Variants in DMC1 observed in about 807,000 individuals in gnomAD.
DMC1 encodes the protein meiotic recombination protein DMC1 homolog.
In DMC1, 27 loss-of-function variants were observed where a neutral mutation model predicts 50.1. The observed-to-expected ratio is 0.54, with a 90% CI of 0.40 to 0.74. The LOEUF (loss-of-function observed/expected upper bound fraction) is 0.74, where lower values mean the gene tolerates loss of function less well. DMC1 is among the 30% of genes least tolerant of loss of function. The probability of loss-of-function intolerance (pLI) is 0.00; values close to 1 mark genes in which losing one functional copy is unlikely to be tolerated. For synonymous variants in DMC1, 148 were observed against 136.1 expected, an observed-to-expected ratio of 1.09 and a Z score of -0.61; for missense variants, 295 against 420.2, an observed-to-expected ratio of 0.70 and a Z score of 2.60.
At chr22:38,555,775 T>G (rs910285614) in intron 5 of DMC1, among the ~76,000 whole-genome samples, 2 of 151,906 alleles carry the variant, frequency 1.3e-5, no homozygotes, top group Non-Finnish European at 2.9e-5. Flanking sequence ...CAAGGCCTTA[T>G]GTCTTACTAG....
intron 6 of DMC1, among the ~76,000 whole-genome samples, chr22:38,554,917 A>T (rs1225033030): frequency 6.6e-6 from 1 of 152,082 alleles, no homozygotes; most frequent in Non-Finnish European, 1.5e-5. Context: ...CCCCGTCTCC[A>T]CTAAAAATAC....
At chr22:38,552,196 C>G (rs1452279359) in intron 7 of DMC1, among the ~76,000 whole-genome samples, 3 of 152,128 alleles carry the variant, frequency 2.0e-5, no homozygotes, top group Non-Finnish European at 4.4e-5. Context: ...CAAGTTCCTT[C>G]TCCATAGCTC....
intron 8 of DMC1, among the ~76,000 whole-genome samples, chr22:38,547,785 C>T (rs916047670): frequency 9.9e-5 from 15 of 151,966 alleles, no homozygotes; most frequent in Non-Finnish European, 1.6e-4. Flanking sequence ...GTAATCCACC[C>T]GCCTCAGCCT....
Position 38,519,961 on chromosome 22 carries a change from C to T in DMC1, c.*59G>A. The T allele has an allele frequency of 7.1e-7, 1 of 1,416,084 alleles. No homozygotes were observed. The highest frequency in any genetic ancestry group is 1.0e-6 in the Non-Finnish European group (1 of 1,001,116). The allele number at this position is 1,416,084 out of a possible 1,614,324, so 87.7% of individuals were successfully genotyped here. ...TTTCAAGATGTGAAATTGGAGACTG[C>T]TTTTCCATTTCTTCAGCTCCTAATA... is the stretch of plus-strand genomic sequence containing the variant. On this transcript the variant is annotated 3_prime_UTR_variant, in exon 14 of 14. Coordinates refer to ENST00000216024, the MANE Select transcript of DMC1 (RefSeq NM_007068.4).
intron 5 of DMC1, among the ~76,000 whole-genome samples, chr22:38,560,583 G>A (rs556213101): frequency 1.3e-5 from 2 of 152,100 alleles, no homozygotes; most frequent in African/African-American, 4.8e-5. Flanking sequence ...TAATCCAGGG[G>A]AGATATTAAT....
intron 12 of DMC1, 59 bp downstream of exon 12, chr22:38,537,533 C>A: frequency 6.7e-7 from 1 of 1,484,520 alleles, no homozygotes; most frequent in Non-Finnish European, 9.4e-7. Context: ...TTCTATTCTA[C>A]GCTCTAACCC....
intron 12 of DMC1, among the ~76,000 whole-genome samples, chr22:38,523,145 T>G (rs1602711048): frequency 1.3e-5 from 2 of 151,884 alleles, no homozygotes; most frequent in African/African-American, 4.8e-5. Flanking sequence ...GGACAAAGAG[T>G]TAGTTTTGGA....
At chr22:38,558,911 TCA>T (rs2090496281) in intron 5 of DMC1, among the ~76,000 whole-genome samples, 1 of 152,232 alleles carries the variant, frequency 6.6e-6, no homozygotes, top group Non-Finnish European at 1.5e-5. Context: ...TTGATCAACC[TCA>T]TTTTGACCAA....
chr22:38,512,353 G>A, the DMC1 span, among the ~76,000 whole-genome samples: 1 of 152,140 alleles, frequency 6.6e-6, no homozygotes, highest in Non-Finnish European at 1.5e-5. Flanking sequence ...AGCTGACCTT[G>A]AAGACGGAAG....
rs2090244431 is a variant in DMC1 at position 38,538,590 on chromosome 22, A to C, written c.609T>G (p.Leu203=). The C allele has an allele frequency of 6.2e-7, 1 of 1,614,036 alleles. No individual in the cohort carries two copies. The highest frequency in any genetic ancestry group is 8.5e-7 in the Non-Finnish European group (1 of 1,179,948). ...AYTSEHQMEL[L]DYVAAKFHEE... ...CATGGAACTTTGCTGCTACATAATC[A>C]AGTAGCTCCATCTGATGTTCACCTG... The change falls in exon 10 of 14, where the codon CTT becomes CTG. Residue 203 remains leucine (L), a synonymous_variant. Transcript: ENST00000216024.
chr22:38,565,365 C>T (rs981849037), intron 4 of DMC1, among the ~76,000 whole-genome samples: 4 of 150,920 alleles, frequency 2.7e-5, no homozygotes, highest in African/African-American at 9.7e-5. Flanking sequence ...ACATGGCCCA[C>T]CAATGTGCCA....
At chr22:38,514,952 T>C (rs1212696619), downstream of DMC1, among the ~76,000 whole-genome samples, 1 of 150,264 alleles carries the variant, frequency 6.7e-6, no homozygotes, top group Non-Finnish European at 1.5e-5. Context: ...ATTCTTTTTT[T>C]TTTTTTTTTT....
intron 12 of DMC1, among the ~76,000 whole-genome samples, chr22:38,526,239 C>G (rs2090086787): frequency 6.6e-6 from 1 of 151,416 alleles, no homozygotes; most frequent in Non-Finnish European, 1.5e-5. Context: ...GAGTCTTGCT[C>G]TGTTGCCCAG....
chr22:38,524,571 ACTTC>A (rs1215345728), intron 12 of DMC1, among the ~76,000 whole-genome samples: 4 of 152,018 alleles, frequency 2.6e-5, no homozygotes, highest in Non-Finnish European at 2.9e-5. Flanking sequence ...TCCCTCTAAA[ACTTC>A]CTTTTTTCTG....
chr22:38,543,053 TA>T (rs759749089), intron 8 of DMC1, among the ~76,000 whole-genome samples: 1 of 151,946 alleles, frequency 6.6e-6, no homozygotes, highest in Non-Finnish European at 1.5e-5. Context: ...AAAAATCAAA[TA>T]AAAATGGATT....
downstream of DMC1, among the ~76,000 whole-genome samples, chr22:38,518,108 G>A (rs2145749283): frequency 6.6e-6 from 1 of 152,208 alleles, no homozygotes; most frequent in Non-Finnish European, 1.5e-5. Context: ...GAGTAGCTGG[G>A]ATTACAGACG....
At chr22:38,551,367 C>T (rs550043202) in intron 7 of DMC1, among the ~76,000 whole-genome samples, 14 of 151,866 alleles carry the variant, frequency 9.2e-5, no homozygotes, top group East Asian at 1.9e-4. Context: ...CTCACTTTGT[C>T]GCCCAGGCTG....
chr22:38,561,210 A>C (rs1167034484), intron 5 of DMC1, among the ~76,000 whole-genome samples: 1 of 149,620 alleles, frequency 6.7e-6, no homozygotes, highest in Non-Finnish European at 1.5e-5. Context: ...ACAAGGTCTC[A>C]GTTTGCCGTT....
intron 12 of DMC1, among the ~76,000 whole-genome samples, chr22:38,531,417 A>G (rs1334420979): frequency 1.3e-5 from 2 of 152,148 alleles, no homozygotes; most frequent in Non-Finnish European, 2.9e-5. Flanking sequence ...ATGGGATATA[A>G]GCCCCAATTA....
Sources: allele counts gnomAD v4.1 joint callset (sites outside exome capture counted in the v4.1 genomes callset), GRCh38; gene constraint gnomAD v4.1.1; transcripts MANE v1.5; gene names NCBI Gene and HGNC (gene_info 2026-07-23, HGNC 2026-07-21).